The following MAGI1 variants were observed in gnomAD, a reference collection of about 807,000 sequenced individuals.
The protein encoded by MAGI1 is membrane-associated guanylate kinase, WW and PDZ domain-containing protein 1.
Under a neutral mutation model 139.9 loss-of-function variants are expected in MAGI1, and 58 were observed. The observed-to-expected ratio is 0.41, with a 90% CI of 0.34 to 0.52. The LOEUF (loss-of-function observed/expected upper bound fraction) is 0.52. Ranked by LOEUF, MAGI1 falls within the 20% of genes least tolerant of loss-of-function variation. The probability of loss-of-function intolerance (pLI) is 0.12; values close to 1 mark genes in which losing one functional copy is unlikely to be tolerated. For synonymous variants in MAGI1, 812 were observed against 737.9 expected, an observed-to-expected ratio of 1.10 and a Z score of -1.63; for missense variants, 1,874 against 1,901.6, an observed-to-expected ratio of 0.99 and a Z score of 0.27.
At chr3:65,460,120 T>C (rs181493556) in intron 5 of MAGI1, among the ~76,000 whole-genome samples, 2 of 152,316 alleles carry the variant, frequency 1.3e-5, no homozygotes, top group African/African-American at 2.4e-5. Context: ...TGCTGAATTT[T>C]GTCAAATGCT....
chr3:65,545,005 C>A (rs957144343), intron 2 of MAGI1, among the ~76,000 whole-genome samples: 3 of 152,154 alleles, frequency 2.0e-5, no homozygotes, highest in African/African-American at 7.2e-5. Context: ...GGATCTATAT[C>A]TTTGGAAAGG....
chr3:65,533,857 C>T (rs1045720056), intron 2 of MAGI1, among the ~76,000 whole-genome samples: 1 of 152,120 alleles, frequency 6.6e-6, no homozygotes, highest in African/African-American at 2.4e-5. Flanking sequence ...ATATTACATC[C>T]ATCCAATCCA....
At chr3:65,505,708 T>C (rs2077258050) in intron 2 of MAGI1, among the ~76,000 whole-genome samples, 1 of 151,170 alleles carries the variant, frequency 6.6e-6, no homozygotes. Flanking sequence ...CTTTGGGGAA[T>C]AATGAACATT....
chr3:65,957,427 G>A (rs1179720981), intron 1 of MAGI1, among the ~76,000 whole-genome samples: 1 of 151,000 alleles, frequency 6.6e-6, no homozygotes, highest in Non-Finnish European at 1.5e-5. Context: ...GCGCTGAGGT[G>A]GGAAGATCGC....
intron 2 of MAGI1, among the ~76,000 whole-genome samples, chr3:65,572,902 C>G (rs896268803): frequency 6.6e-6 from 1 of 151,414 alleles, no homozygotes; most frequent in Non-Finnish European, 1.5e-5. Flanking sequence ...CCAGAAGGGT[C>G]AAACTCTGGC....
rs765847458 is a variant in MAGI1 at position 65,363,546 on chromosome 3, T to G, written c.3414A>C (p.Arg1138=). The G allele has an allele frequency of 1.1e-5, 17 of 1,614,116 alleles. No individual in the cohort carries two copies. The South Asian group carries it at 1.9e-4, about 18-fold the overall frequency. The change falls in exon 21 of 23, where the codon CGA becomes CGC. Residue 1138 remains arginine, a synonymous_variant. Transcript: ENST00000402939. ...GGTCCATGTTATACTCTCGGCCTCC[T>G]CGAAGGCTAAAGCCAAATCCCTTGG... is the stretch of plus-strand genomic sequence containing the variant. The part of the protein sequence containing the change: ...RGAKGFGFSL[R]GGREYNMDLY...
intron 1 of MAGI1, among the ~76,000 whole-genome samples, chr3:65,922,854 C>T (rs1200199940): frequency 6.6e-6 from 1 of 152,194 alleles, no homozygotes; most frequent in Admixed American, 6.5e-5. Context: ...GGCGTATTTC[C>T]TGCTCCTTCC....
At chr3:65,509,498 G>A (rs887322039) in intron 2 of MAGI1, among the ~76,000 whole-genome samples, 4 of 152,308 alleles carry the variant, frequency 2.6e-5, no homozygotes, top group African/African-American at 4.8e-5. Context: ...CTTGGGAAGC[G>A]CAAGGGGCCA....
chr3:65,441,425 A>G (rs1948318124), intron 8 of MAGI1, among the ~76,000 whole-genome samples: 1 of 152,176 alleles, frequency 6.6e-6, no homozygotes, highest in Non-Finnish European at 1.5e-5. Flanking sequence ...AAAGGCCTAC[A>G]TGTTTATTTC....
At chr3:65,843,679 A>G (rs1316441967) in intron 1 of MAGI1, among the ~76,000 whole-genome samples, 3 of 152,172 alleles carry the variant, frequency 2.0e-5, no homozygotes, top group Non-Finnish European at 2.9e-5. Flanking sequence ...GGTTCCTGGT[A>G]TAGGGAAATA....
intron 1 of MAGI1, among the ~76,000 whole-genome samples, chr3:65,991,319 A>G (rs1175612633): frequency 6.7e-6 from 1 of 149,114 alleles, no homozygotes; most frequent in Non-Finnish European, 1.5e-5. Flanking sequence ...AAAAAAAAAA[A>G]AAAAGAAAGT....
intron 1 of MAGI1, among the ~76,000 whole-genome samples, chr3:66,016,476 CGAA>C (rs1560113844): frequency 6.6e-6 from 1 of 152,088 alleles, no homozygotes; most frequent in Non-Finnish European, 1.5e-5. Context: ...ATGGCGGGAC[CGAA>C]GAACAGCTGA....
chr3:65,693,255 T>C (rs2107574517), intron 1 of MAGI1, among the ~76,000 whole-genome samples: 1 of 152,288 alleles, frequency 6.6e-6, no homozygotes, highest in African/African-American at 2.4e-5. Context: ...ACATAATAAA[T>C]GTCTTTTCTT....
At chr3:65,877,449 T>A (rs1187754343) in intron 1 of MAGI1, among the ~76,000 whole-genome samples, 1 of 152,162 alleles carries the variant, frequency 6.6e-6, no homozygotes, top group Non-Finnish European at 1.5e-5. Flanking sequence ...GATATTTTAA[T>A]GTGTTTTTCT....
At chr3:65,848,175 T>A (rs1241490373) in intron 1 of MAGI1, among the ~76,000 whole-genome samples, 2 of 152,190 alleles carry the variant, frequency 1.3e-5, no homozygotes, top group East Asian at 3.8e-4. Context: ...AGACCACGTG[T>A]CTCTGTTTGG....
intron 1 of MAGI1, among the ~76,000 whole-genome samples, chr3:65,692,884 C>T (rs1029575159): frequency 7.2e-5 from 11 of 152,076 alleles, no homozygotes; most frequent in African/African-American, 2.4e-4. Flanking sequence ...GGGTCCTAGA[C>T]CTTGGCCTTC....
chr3:65,679,208 C>T (rs556868319), intron 1 of MAGI1, among the ~76,000 whole-genome samples: 13 of 152,280 alleles, frequency 8.5e-5, no homozygotes, highest in Middle Eastern at 3.4e-3. Flanking sequence ...GTCACACATA[C>T]GCTTCATTTT....
chr3:65,839,332 T>G lies in MAGI1; in HGVS notation c.313+198664A>C, dbSNP rs2058729410. 1.3e-5 allele frequency among the ~76,000 whole-genome samples: 2 copies of G among 152,174 alleles called. 1 individual carries two copies. The highest frequency in any genetic ancestry group is 4.1e-4 in the South Asian group (2 of 4,826). ...ATTATGTACAGTGCATACCTGATAA[T>G]TACGATAAATGTTACAGTTAATGTA... On this transcript the variant is annotated intron_variant, in intron 1 of 22. Transcript: ENST00000402939.
intron 1 of MAGI1, among the ~76,000 whole-genome samples, chr3:65,735,523 C>T (rs1225017083): frequency 6.6e-6 from 1 of 152,008 alleles, no homozygotes; most frequent in African/African-American, 2.4e-5. Flanking sequence ...TCAACAGATC[C>T]AGGGCAATCT....
Sources: gnomAD v4.1 joint callset for allele counts (sites outside exome capture counted in the v4.1 genomes callset) on GRCh38, gnomAD v4.1.1 for gene constraint, MANE v1.5 for transcripts, NCBI Gene and HGNC (gene_info 2026-07-23, HGNC 2026-07-21) for gene names.